Variants in LILRA2 observed in about 807,000 individuals in gnomAD.
LILRA2 encodes the protein leukocyte immunoglobulin-like receptor subfamily A member 2.
LILRA2 carries 45 observed loss-of-function variants against 47.9 expected under a neutral mutation model. The ratio of observed to expected loss-of-function variants is 0.94; its 90% CI spans 0.74 to 1.20. The LOEUF (loss-of-function observed/expected upper bound fraction) is 1.20. Ranked by LOEUF, LILRA2 falls within the 50% of genes most tolerant of loss-of-function variation. LILRA2 has a pLI of 0.00. For synonymous variants in LILRA2, 279 were observed against 249.2 expected, an observed-to-expected ratio of 1.12 and a Z score of -1.13; for missense variants, 651 against 598.2, an observed-to-expected ratio of 1.09 and a Z score of -0.92.
At chr19:54,575,057 G>A in intron 4 of LILRA2, 24 bp downstream of exon 4, 1 of 1,604,010 alleles carries the variant, frequency 6.2e-7, no homozygotes, top group South Asian at 1.1e-5. Context: ...AGAATTGCTT[G>A]GAGTTCCCTG....
In LILRA2 at chr19:54,589,595, T is replaced by G. The variant is rs1323533963; in HGVS notation, c.*2249T>G. ...TCAAAGAAATAACAAAAGACCTAAA[T>G]GAGGAAAAAGTCATCCCAGTATCAT... On this transcript the variant is annotated 3_prime_UTR_variant, in exon 8 of 8. Coordinates refer to ENST00000391738, the MANE Select transcript of LILRA2 (RefSeq NM_001130917.3). 2 of 152,174 alleles carry G rather than the reference T, an allele frequency of 1.3e-5. No individual in the cohort carries two copies. Among genetic ancestry groups the G allele is most frequent in the Non-Finnish European group, 2.9e-5 (2 of 68,036 alleles). The allele number at this position is 152,174 out of a possible 1,614,324, so 9.4% of individuals were successfully genotyped here.
rs566067806 is a variant in LILRA2, at chr19:54,577,462, A to G, written c.1255+1353A>G. On this transcript the variant is annotated intron_variant, in intron 6 of 7. Transcript: ENST00000391738. ...TTGGCAGCTCTCATTTCTCATTTCC[A>G]AGAGCCCCTGAGTATAAGCCCTTCA... 1.1e-3 allele frequency: 1,405 copies of G among 1,278,304 alleles called. 1 individual carries two copies. The highest frequency in any genetic ancestry group is 1.3e-3 in the Non-Finnish European group (1,306 of 982,472). 79.2% of individuals were successfully genotyped at this position (1,278,304 alleles called of 1,614,324 possible). A position where few individuals can be genotyped will look rare whatever the true frequency, so the allele number is the denominator to read the frequency against.
Position 54,575,386 on chromosome 19 carries a change from C to T in LILRA2, c.786C>T (p.Asp262=), listed in dbSNP as rs1189587146. 1 of 1,614,136 alleles carries T rather than the reference C, an allele frequency of 6.2e-7. No homozygotes were observed. The highest frequency in any genetic ancestry group is 1.1e-5 in the South Asian group (1 of 91,090). Residue 262 remains aspartate, a synonymous_variant, in exon 5 of 8, where the codon GAC becomes GAT. Coordinates refer to ENST00000391738, the MANE Select transcript of LILRA2 (RefSeq NM_001130917.3). The part of the protein sequence containing the change: ...RFVLYKEGER[D]FLQRPGWQPQ... ...TTCTGTATAAGGAGGGAGAACGTGACTTCCTCCAGCGCCCTGGTTGGCAGC... is the reference window on the plus strand; with the variant it reads ...TTCTGTATAAGGAGGGAGAACGTGATTTCCTCCAGCGCCCTGGTTGGCAGC...
chr19:54,574,951 G>C lies in LILRA2; in HGVS notation c.573G>C (p.Trp191Cys). The change falls in exon 4 of 8, where the codon TGG (tryptophan) becomes TGC (cysteine). Residue 191 changes from tryptophan to cysteine, a missense_variant. Coordinates refer to ENST00000391738, the MANE Select transcript of LILRA2 (RefSeq NM_001130917.3). ...GCCCCGTGAGCCCGAGTCGCAGGTG[G>C]TCGTACAGGTGCTATGCTTATGACT... ...SVGPVSPSRR[W>C]SYRCYAYDSN... is the part of the protein sequence containing the mutation. 1 of 1,614,264 alleles carries C rather than the reference G, an allele frequency of 6.2e-7. No homozygotes were observed. The highest frequency in any genetic ancestry group is 8.5e-7 in the Non-Finnish European group (1 of 1,180,034).
chr19:54,587,441 A>G lies in LILRA2; in HGVS notation c.*95A>G, dbSNP rs189682852. Reference sequence around the variant, plus strand: ...CTCTGGAGGACAATCTAGGACCTACATTATCTGGACTGTATGCTGGTCATT... The same window carrying G: ...CTCTGGAGGACAATCTAGGACCTACGTTATCTGGACTGTATGCTGGTCATT... On this transcript the variant is annotated 3_prime_UTR_variant, in exon 8 of 8. Coordinates refer to ENST00000391738, the MANE Select transcript of LILRA2 (RefSeq NM_001130917.3). The G allele has an allele frequency of 5.0e-3, 7,775 of 1,560,466 alleles. No homozygotes were observed. In the South Asian group the frequency reaches 0.065, roughly 13 times the overall value.
intron 6 of LILRA2, among the ~76,000 whole-genome samples, chr19:54,581,575 T>C (rs2062634006): frequency 6.6e-6 from 1 of 150,398 alleles, no homozygotes; most frequent in South Asian, 2.1e-4. Context: ...TCTGTTTTGG[T>C]ACCAGTACCA....
Position 54,574,036 on chromosome 19 carries a change from G to C in LILRA2, c.35-40G>C, listed in dbSNP as rs371902158. 1.9e-6 allele frequency: 3 copies of C among 1,614,048 alleles called. No individual in the cohort carries two copies. The African/African-American group carries it at 4.0e-5, about 22-fold the overall frequency. The stretch of plus-strand genomic sequence containing the variant: ...CCCAGGGAGGGGAGGACCTGCCCAG[G>C]CTTCAGGGGAAAAATCCCTCACAGG... On this transcript the variant is annotated intron_variant, in intron 1 of 7. Coordinates refer to ENST00000391738, the MANE Select transcript of LILRA2 (RefSeq NM_001130917.3).
At chr19:54,577,625 C>T (rs551606937) in intron 6 of LILRA2, 24 of 1,289,486 alleles carry the variant, frequency 1.9e-5, no homozygotes, top group South Asian at 2.5e-5. Flanking sequence ...CTGTGGGTGC[C>T]GCTCACACTG....
Position 54,580,282 on chromosome 19 carries a change from T to TG in LILRA2, c.1255+4174dup, listed in dbSNP as rs567699476. ...TAGTTACATATGTATACATGTGCCA[T>TG]GCTGGTGTGCTGCACCCACTAATGT... On this transcript the variant is annotated intron_variant, in intron 6 of 7. Transcript: ENST00000391738. Among the ~76,000 whole-genome samples, 4 of 117,966 alleles carry TG rather than the reference T, an allele frequency of 3.4e-5. No homozygotes were observed. In the South Asian group the frequency reaches 1.3e-3, roughly 39 times the overall value. The allele number at this position is 117,966 out of a possible 152,430, so 77.4% of individuals were successfully genotyped here.
chr19:54,579,993 C>G (rs2062593822), intron 6 of LILRA2, among the ~76,000 whole-genome samples: 1 of 152,104 alleles, frequency 6.6e-6, no homozygotes, highest in Non-Finnish European at 1.5e-5. Flanking sequence ...TGCTTATCAG[C>G]TTAAGGAGAT....
chr19:54,587,107 G>C, intron 7 of LILRA2, 47 bp downstream of exon 7: 1 of 1,611,310 alleles, frequency 6.2e-7, no homozygotes, highest in Non-Finnish European at 8.5e-7. Flanking sequence ...CAGAGGGTCA[G>C]GTCCTGTAAA....
intron 6 of LILRA2, among the ~76,000 whole-genome samples, chr19:54,577,068 C>T (rs955433582): frequency 1.3e-5 from 2 of 151,620 alleles, no homozygotes; most frequent in African/African-American, 2.4e-5. Flanking sequence ...AGTTAAAAAA[C>T]CAACGGAGAT....
chr19:54,574,652 C>T, intron 3 of LILRA2, 70 bp downstream of exon 3: 4 of 1,599,916 alleles, frequency 2.5e-6, no homozygotes, highest in Non-Finnish European at 3.4e-6. Context: ...TCAGGGGCAT[C>T]TCCGCTCTCA....
chr19:54,574,483 C>G lies in LILRA2; in HGVS notation c.253C>G (p.Pro85Ala), dbSNP rs1330246067. The G allele has an allele frequency of 6.2e-7, 1 of 1,614,132 alleles. No individual in the cohort carries two copies. The highest frequency in any genetic ancestry group is 8.5e-7 in the Non-Finnish European group (1 of 1,179,990). ...EPGKNGQFPIPSITWEHAGRY... is the reference protein window; with the variant it reads ...EPGKNGQFPIASITWEHAGRY... The stretch of plus-strand genomic sequence containing the variant: ...TGGGAAGAATGGCCAGTTCCCCATC[C>G]CATCCATCACCTGGGAACACGCAGG... The change falls in exon 3 of 8, where the codon CCA becomes GCA. Residue 85 changes from proline to alanine, a missense_variant. Physicochemically the swap from Pro to Ala is conservative, Grantham distance 27. Coordinates refer to ENST00000391738, the MANE Select transcript of LILRA2 (RefSeq NM_001130917.3).
At chr19:54,578,374 G>A (rs148540537) in intron 6 of LILRA2, among the ~76,000 whole-genome samples, 2 of 152,078 alleles carry the variant, frequency 1.3e-5, no homozygotes, top group Admixed American at 6.5e-5. Context: ...GAGAACATGC[G>A]GTGTTTGGTT....
chr19:54,586,969 AG>A, intron 6 of LILRA2, 40 bp from the exon 7 acceptor site: 4 of 1,490,262 alleles, frequency 2.7e-6, no homozygotes, highest in Non-Finnish European at 2.8e-6. Flanking sequence ...CCCAGGAGTG[AG>A]GCTGGGCTCA....
chr19:54,585,387 A>G (rs2062768811), intron 6 of LILRA2, among the ~76,000 whole-genome samples: 1 of 152,198 alleles, frequency 6.6e-6, no homozygotes, highest in Non-Finnish European at 1.5e-5. Flanking sequence ...CCCTGCCCCC[A>G]GAAGTGGAAT....
In LILRA2 at chr19:54,587,723, A is replaced by C. The variant is rs112780593; in HGVS notation, c.*377A>C. The C allele has an allele frequency of 0.011, 2,638 of 240,908 alleles. 11 individuals are homozygous for C. The highest frequency in any genetic ancestry group is 0.099 in the South Asian group (1,365 of 13,824). The allele number at this position is 240,908 out of a possible 1,614,324, so 14.9% of individuals were successfully genotyped here. ...CCTCATTGTCACACTCCTTGATGTC[A>C]CTTACTGAGTCCCCGTCTCTTCAGT... On this transcript the variant is annotated 3_prime_UTR_variant, in exon 8 of 8. Coordinates refer to ENST00000391738, the MANE Select transcript of LILRA2 (RefSeq NM_001130917.3).
At position 54,587,410 on chromosome 19, in the gene LILRA2, A is replaced by G; in HGVS notation, c.*64A>G. 1 of 1,608,508 alleles carries G rather than the reference A, an allele frequency of 6.2e-7. No homozygotes were observed. The highest frequency in any genetic ancestry group is 2.2e-5 in the East Asian group (1 of 44,836). On this transcript the variant is annotated 3_prime_UTR_variant, in exon 8 of 8. Transcript: ENST00000391738. Reference sequence around the variant, plus strand: ...CCTCAGGGACAGATCTGATGATCCCAGGAGGCTCTGGAGGACAATCTAGGA... The same window carrying G: ...CCTCAGGGACAGATCTGATGATCCCGGGAGGCTCTGGAGGACAATCTAGGA...
Sources: gnomAD v4.1 joint callset for allele counts (sites outside exome capture counted in the v4.1 genomes callset) on GRCh38, gnomAD v4.1.1 for gene constraint, MANE v1.5 for transcripts, NCBI Gene and HGNC (gene_info 2026-07-23, HGNC 2026-07-21) for gene names.